The following CADM1 variants were observed in gnomAD, a reference collection of about 807,000 sequenced individuals.
CADM1 encodes TSLC-1.
CADM1 carries 15 observed loss-of-function variants against 53.1 expected under a neutral mutation model. The observed-to-expected ratio is 0.28, with a 90% CI of 0.19 to 0.44. The LOEUF (loss-of-function observed/expected upper bound fraction) is 0.44, where lower values mean the gene tolerates loss of function less well. Ranked by LOEUF, CADM1 falls within the 20% of genes least tolerant of loss-of-function variation. The pLI, the probability that CADM1 is intolerant of heterozygous loss-of-function variation, is 1.00. For synonymous variants in CADM1, 281 were observed against 243.0 expected, an observed-to-expected ratio of 1.16 and a Z score of -1.45; for missense variants, 434 against 611.3, an observed-to-expected ratio of 0.71 and a Z score of 3.06.
At chr11:115,429,848 CAG>C (rs1947997203) in intron 1 of CADM1, among the ~76,000 whole-genome samples, 1 of 152,102 alleles carries the variant, frequency 6.6e-6, no homozygotes, top group Admixed American at 6.5e-5. Flanking sequence ...TGAGAAAACT[CAG>C]TGTGGTTTGT....
chr11:115,308,190 G>T (rs1390818911), intron 1 of CADM1, among the ~76,000 whole-genome samples: 2 of 53,682 alleles, frequency 3.7e-5, no homozygotes, highest in African/African-American at 1.1e-4. Flanking sequence ...TCACTCATAG[G>T]TGTGTATATA....
intron 1 of CADM1, among the ~76,000 whole-genome samples, chr11:115,284,114 C>CTCTGTGTGTGTGTG (rs1351842329): frequency 1.0e-5 from 1 of 98,690 alleles, no homozygotes; most frequent in African/African-American, 3.8e-5. Context: ...CTCTCTCTCT[C>CTCTGTGTGTGTGTG]TGTGTGTGTG....
chr11:115,460,930 C>A (rs1478809614), intron 1 of CADM1, among the ~76,000 whole-genome samples: 2 of 152,076 alleles, frequency 1.3e-5, no homozygotes, highest in Non-Finnish European at 2.9e-5. Flanking sequence ...GCCTATGAAC[C>A]CATGCTAATT....
intron 3 of CADM1, among the ~76,000 whole-genome samples, chr11:115,237,081 T>C (rs1334800088): frequency 6.6e-6 from 1 of 152,164 alleles, no homozygotes; most frequent in Non-Finnish European, 1.5e-5. Context: ...GATAGTCAAT[T>C]TGAAGTCTAT....
intron 1 of CADM1, among the ~76,000 whole-genome samples, chr11:115,449,719 T>C (rs1337670336): frequency 3.3e-5 from 5 of 152,198 alleles, no homozygotes; most frequent in African/African-American, 1.2e-4. Flanking sequence ...TTTCGGTGTT[T>C]TATACGAAAA....
intron 1 of CADM1, among the ~76,000 whole-genome samples, chr11:115,476,360 G>A (rs1015726487): frequency 1.3e-5 from 2 of 152,096 alleles, no homozygotes; most frequent in Non-Finnish European, 2.9e-5. Flanking sequence ...GATAATCCAC[G>A]ATCATTTCCA....
chr11:115,233,237 G>C (rs924551788), intron 3 of CADM1, among the ~76,000 whole-genome samples: 2 of 152,126 alleles, frequency 1.3e-5, no homozygotes, highest in African/African-American at 4.8e-5. Flanking sequence ...TGGATGTGTT[G>C]CTAATATGAT....
chr11:115,430,717 C>T (rs1948026332), intron 1 of CADM1, among the ~76,000 whole-genome samples: 1 of 152,116 alleles, frequency 6.6e-6, no homozygotes, highest in Non-Finnish European at 1.5e-5. Context: ...ATGAATGCCG[C>T]AGGACCAGAG....
intron 8 of CADM1, among the ~76,000 whole-genome samples, chr11:115,203,587 T>C (rs1940539590): frequency 6.6e-6 from 1 of 152,240 alleles, no homozygotes; most frequent in Non-Finnish European, 1.5e-5. Flanking sequence ...ATTATTTGTT[T>C]GCATTGTTGA....
At chr11:115,257,002 T>C (rs537584870) in intron 1 of CADM1, 10 of 415,020 alleles carry the variant, frequency 2.4e-5, no homozygotes, top group South Asian at 1.5e-4. Flanking sequence ...GTGAATTACG[T>C]ACTTCCTGGA....
At chr11:115,298,247 A>G (rs921642814) in intron 1 of CADM1, among the ~76,000 whole-genome samples, 1 of 152,152 alleles carries the variant, frequency 6.6e-6, no homozygotes, top group Non-Finnish European at 1.5e-5. Context: ...CAATTTTAAC[A>G]CTTGTTATTT....
At chr11:115,323,453 G>A (rs1475057937) in intron 1 of CADM1, among the ~76,000 whole-genome samples, 1 of 152,126 alleles carries the variant, frequency 6.6e-6, no homozygotes, top group Non-Finnish European at 1.5e-5. Flanking sequence ...GAAGTGGGGT[G>A]CAGGGAAAGT....
chr11:115,294,128 T>C (rs1428816360), intron 1 of CADM1, among the ~76,000 whole-genome samples: 1 of 152,198 alleles, frequency 6.6e-6, no homozygotes, highest in Non-Finnish European at 1.5e-5. Flanking sequence ...AGATGGCTAC[T>C]GGCCAGGAAA....
chr11:115,381,293 C>CAA (rs35733611), intron 1 of CADM1, among the ~76,000 whole-genome samples: 4 of 115,800 alleles, frequency 3.5e-5, no homozygotes, highest in African/African-American at 6.8e-5. Context: ...GACTCCATCT[C>CAA]AAAAAAAAAA....
intron 1 of CADM1, among the ~76,000 whole-genome samples, chr11:115,372,352 G>T (rs1461586720): frequency 6.6e-6 from 1 of 151,698 alleles, no homozygotes; most frequent in Non-Finnish European, 1.5e-5. Flanking sequence ...TTGTACTTTT[G>T]GAAGCAACTT....
At chr11:115,381,335 CTG>C (rs1946574752) in intron 1 of CADM1, among the ~76,000 whole-genome samples, 1 of 151,502 alleles carries the variant, frequency 6.6e-6, no homozygotes, top group Admixed American at 6.6e-5. Flanking sequence ...ACTTTCAAGA[CTG>C]TGCAAAATGC....
chr11:115,361,466 C>T (rs144551946), intron 1 of CADM1, among the ~76,000 whole-genome samples: 1 of 152,106 alleles, frequency 6.6e-6, no homozygotes, highest in Non-Finnish European at 1.5e-5. Context: ...ACTGTGACTG[C>T]TGGATAAAAT....
At chr11:115,195,530 C>T (rs1272740723) in intron 9 of CADM1, among the ~76,000 whole-genome samples, 1 of 152,182 alleles carries the variant, frequency 6.6e-6, no homozygotes. Flanking sequence ...ATTTAAGTTG[C>T]TAAGTTATCA....
chr11:115,181,729 A>G (rs1182522434), intron 10 of CADM1, among the ~76,000 whole-genome samples: 1 of 152,066 alleles, frequency 6.6e-6, no homozygotes, highest in Non-Finnish European at 1.5e-5. Context: ...CTGTTTCTGG[A>G]GTCATCTCAG....
Sources: allele counts gnomAD v4.1 joint callset (sites outside exome capture counted in the v4.1 genomes callset), GRCh38; gene constraint gnomAD v4.1.1; transcripts MANE v1.5; gene names NCBI Gene and HGNC (gene_info 2026-07-23, HGNC 2026-07-21).